The following FNDC3B variants were observed in gnomAD, a reference collection of about 807,000 sequenced individuals.
FNDC3B encodes fibronectin type III domain containing 3B.
Under a neutral mutation model 151.5 loss-of-function variants are expected in FNDC3B, and 12 were observed. That is an observed-to-expected ratio of 0.08 (90% CI 0.05 to 0.13). FNDC3B has a LOEUF of 0.13. FNDC3B is among the 10% of genes least tolerant of loss of function. The pLI, the probability that FNDC3B is intolerant of heterozygous loss-of-function variation, is 1.00. For synonymous variants in FNDC3B, 528 were observed against 549.0 expected (o/e 0.96, Z 0.54); for missense variants, 1,214 against 1,505.3 (o/e 0.81, Z 3.20).
intron 3 of FNDC3B, among the ~76,000 whole-genome samples, chr3:172,170,466 G>A (rs752087935): frequency 1.3e-5 from 2 of 152,242 alleles, no homozygotes; most frequent in Non-Finnish European, 2.9e-5. Flanking sequence ...TGCAAGCAAT[G>A]TATTGATTGT....
chr3:172,290,351 T>C (rs1201524943), intron 7 of FNDC3B, among the ~76,000 whole-genome samples: 1 of 152,208 alleles, frequency 6.6e-6, no homozygotes, highest in African/African-American at 2.4e-5. Context: ...ACAAGTATAC[T>C]AGGTATTTAT....
At chr3:172,274,035 CAG>C (rs1430981989) in intron 6 of FNDC3B, among the ~76,000 whole-genome samples, 4 of 152,218 alleles carry the variant, frequency 2.6e-5, no homozygotes, top group Non-Finnish European at 4.4e-5. Flanking sequence ...GCATGATCCT[CAG>C]TGTTCTAGCC....
intron 12 of FNDC3B, chr3:172,329,867 C>T (rs1397862328): frequency 6.6e-6 from 1 of 152,114 alleles, no homozygotes; most frequent in Admixed American, 6.5e-5. Context: ...CTTTATGGCT[C>T]AAGAATTTTT....
intron 23 of FNDC3B, among the ~76,000 whole-genome samples, chr3:172,370,137 G>C (rs1166491699): frequency 6.6e-6 from 1 of 151,984 alleles, no homozygotes; most frequent in Non-Finnish European, 1.5e-5. Flanking sequence ...TGAGCCTGTA[G>C]TTGGCCTAGG....
At chr3:172,240,956 G>A (rs983146690) in intron 4 of FNDC3B, among the ~76,000 whole-genome samples, 1 of 151,938 alleles carries the variant, frequency 6.6e-6, no homozygotes, top group African/African-American at 2.4e-5. Flanking sequence ...CTTGTTTCTA[G>A]GCCACAGGAT....
intron 2 of FNDC3B, chr3:172,126,998 T>C (rs1423729821): frequency 1.3e-5 from 6 of 456,658 alleles, no homozygotes; most frequent in African/African-American, 4.0e-5. Context: ...TGTGAATGCA[T>C]TGGGAGGTGA....
At chr3:172,256,234 T>C (rs1215173190) in intron 6 of FNDC3B, among the ~76,000 whole-genome samples, 1 of 152,224 alleles carries the variant, frequency 6.6e-6, no homozygotes, top group Non-Finnish European at 1.5e-5. Flanking sequence ...TTCCTCTGCC[T>C]AGCAAACTCC....
At chr3:172,149,253 C>A (rs1465971145) in intron 3 of FNDC3B, among the ~76,000 whole-genome samples, 1 of 152,158 alleles carries the variant, frequency 6.6e-6, no homozygotes, top group African/African-American at 2.4e-5. Context: ...TGAATTTATA[C>A]AGTAAAAAAT....
At chr3:172,385,285 A>C (rs1326741645) in intron 25 of FNDC3B, among the ~76,000 whole-genome samples, 1 of 152,222 alleles carries the variant, frequency 6.6e-6, no homozygotes, top group African/African-American at 2.4e-5. Context: ...ACTGCTGTAC[A>C]TCCACCACAG....
intron 12 of FNDC3B, 49 bp downstream of exon 12, chr3:172,329,125 C>T (rs1412189252): frequency 1.3e-6 from 2 of 1,563,580 alleles, no homozygotes; most frequent in Non-Finnish European, 8.7e-7. Context: ...GATGGTGATC[C>T]TGAGCCTTCT....
At chr3:172,141,875 C>G (rs1379374753) in intron 3 of FNDC3B, among the ~76,000 whole-genome samples, 1 of 151,998 alleles carries the variant, frequency 6.6e-6, no homozygotes, top group African/African-American at 2.4e-5. Flanking sequence ...TGTTTCCATA[C>G]TTGTTAAAAT....
intron 11 of FNDC3B, among the ~76,000 whole-genome samples, chr3:172,328,529 G>A (rs1732471083): frequency 6.6e-6 from 1 of 152,206 alleles, no homozygotes; most frequent in Non-Finnish European, 1.5e-5. Context: ...GAAAGGCTGT[G>A]TATTTTCAGA....
chr3:172,258,128 T>A (rs555466330), intron 6 of FNDC3B, among the ~76,000 whole-genome samples: 1 of 152,006 alleles, frequency 6.6e-6, no homozygotes, highest in Non-Finnish European at 1.5e-5. Flanking sequence ...ATGGGAAAAA[T>A]TGGGACAAAG....
intron 3 of FNDC3B, among the ~76,000 whole-genome samples, chr3:172,190,695 T>C (rs112209700): frequency 0.064 from 9,681 of 152,164 alleles, 410 homozygotes; most frequent in African/African-American, 0.12. Flanking sequence ...TGAGATGGAG[T>C]TTTGCTCTTA....
chr3:172,082,049 A>G (rs1237621138), intron 1 of FNDC3B, among the ~76,000 whole-genome samples: 2 of 152,310 alleles, frequency 1.3e-5, no homozygotes, highest in African/African-American at 4.8e-5. Flanking sequence ...TAGGTTCACA[A>G]TTCTGTGTGA....
chr3:172,099,268 T>C (rs1169824201), intron 1 of FNDC3B, among the ~76,000 whole-genome samples: 2 of 152,186 alleles, frequency 1.3e-5, no homozygotes, highest in African/African-American at 4.8e-5. Flanking sequence ...GAGGTTCTCA[T>C]TTTAAAAGTT....
chr3:172,068,115 C>T (rs551663115), intron 1 of FNDC3B, among the ~76,000 whole-genome samples: 91 of 152,308 alleles, frequency 6.0e-4, no homozygotes, highest in Non-Finnish European at 1.1e-3. Flanking sequence ...CTGCTCTTTT[C>T]AGGGGATTCT....
chr3:172,392,810 C>CTTTCTTTCTTT (rs1491505881), intron 25 of FNDC3B, among the ~76,000 whole-genome samples: 11 of 99,874 alleles, frequency 1.1e-4, no homozygotes, highest in African/African-American at 3.2e-4. Flanking sequence ...TTTTTTTTTT[C>CTTTCTTTCTTT]TTTTTTTTTT....
At chr3:172,354,213 C>G (rs997418292) in intron 22 of FNDC3B, among the ~76,000 whole-genome samples, 1 of 151,750 alleles carries the variant, frequency 6.6e-6, no homozygotes, top group Non-Finnish European at 1.5e-5. Context: ...TTTTACATAC[C>G]CATTTCTGTT....
Sources: allele counts gnomAD v4.1 joint callset (sites outside exome capture counted in the v4.1 genomes callset), GRCh38; gene constraint gnomAD v4.1.1; transcripts MANE v1.5; gene names NCBI Gene and HGNC (gene_info 2026-07-23, HGNC 2026-07-21).